Variants in ZFHX3 observed in about 807,000 individuals in gnomAD.
The protein encoded by ZFHX3 is zinc finger homeobox protein 3.
Under a neutral mutation model 279.1 loss-of-function variants are expected in ZFHX3, and 42 were observed. The ratio of observed to expected loss-of-function variants is 0.15; its 90% confidence interval spans 0.12 to 0.19. The LOEUF (loss-of-function observed/expected upper bound fraction) is 0.19. Among genes scored for constraint, ZFHX3 ranks in the 10% least tolerant of loss-of-function variants. The probability of loss-of-function intolerance (pLI) is 1.00; values close to 1 mark genes in which losing one functional copy is unlikely to be tolerated. For missense variants in ZFHX3, 4,981 were observed against 4,754.0 expected, an observed-to-expected ratio of 1.05 and a Z score of -1.40; for synonymous variants, 2,293 against 1,957.8, an observed-to-expected ratio of 1.17 and a Z score of -4.52.
intron 3 of ZFHX3, among the ~76,000 whole-genome samples, chr16:73,441,231 G>A (rs532486853): frequency 6.0e-4 from 91 of 152,186 alleles, no homozygotes; most frequent in African/African-American, 2.2e-3. Context: ...AATGGACTAT[G>A]AGCCCCTTAG....
intron 1 of ZFHX3, among the ~76,000 whole-genome samples, chr16:73,819,758 T>C (rs1326007613): frequency 2.0e-5 from 3 of 152,166 alleles, no homozygotes; most frequent in East Asian, 1.9e-4. Context: ...TGAGGGCTCA[T>C]AGGTAAGAAG....
intron 5 of ZFHX3, among the ~76,000 whole-genome samples, chr16:73,167,716 T>C (rs1304811025): frequency 6.6e-6 from 1 of 152,092 alleles, no homozygotes; most frequent in Non-Finnish European, 1.5e-5. Context: ...ACTGCAGAGA[T>C]TCAAGAGAAG....
chr16:73,812,625 T>C (rs146436846), intron 1 of ZFHX3: 1 of 152,428 alleles, frequency 6.6e-6, no homozygotes, highest in East Asian at 1.9e-4. Context: ...TCTGATGGAA[T>C]TGAAGGTTTA....
intron 1 of ZFHX3, among the ~76,000 whole-genome samples, chr16:73,694,488 C>G (rs367752549): frequency 6.6e-6 from 1 of 151,944 alleles, no homozygotes; most frequent in Non-Finnish European, 1.5e-5. Context: ...GGGCTACAGA[C>G]GCATGTCACC....
intron 1 of ZFHX3, among the ~76,000 whole-genome samples, chr16:73,043,255 C>A (rs1236204547): frequency 6.6e-6 from 1 of 152,220 alleles, no homozygotes. Flanking sequence ...AAACCCCCCA[C>A]ACAGTAATCC....
At chr16:73,319,664 C>T (rs769087298) in intron 3 of ZFHX3, among the ~76,000 whole-genome samples, 1 of 152,152 alleles carries the variant, frequency 6.6e-6, no homozygotes, top group African/African-American at 2.4e-5. Flanking sequence ...CATTCAAAGT[C>T]CTCATCAAGT....
At chr16:73,450,544 G>C in intron 3 of ZFHX3, among the ~76,000 whole-genome samples, 1 of 151,914 alleles carries the variant, frequency 6.6e-6, no homozygotes, top group Non-Finnish European at 1.5e-5. Context: ...TCATAATTTT[G>C]CTTATGGTAT....
intron 3 of ZFHX3, among the ~76,000 whole-genome samples, chr16:73,379,554 G>A (rs2016784818): frequency 6.6e-6 from 1 of 152,202 alleles, no homozygotes; most frequent in African/African-American, 2.4e-5. Context: ...TTGTGAGAAT[G>A]AAGTAAGACA....
intron 2 of ZFHX3, among the ~76,000 whole-genome samples, chr16:73,603,343 A>T (rs757163510): frequency 2.0e-5 from 3 of 152,138 alleles, no homozygotes; most frequent in African/African-American, 4.8e-5. Flanking sequence ...CATGTCAGTA[A>T]AAAATGGGCA....
At chr16:73,711,647 GC>G (rs1346773992) in intron 1 of ZFHX3, among the ~76,000 whole-genome samples, 7 of 152,206 alleles carry the variant, frequency 4.6e-5, no homozygotes, top group Admixed American at 3.3e-4. Flanking sequence ...AGATTTGGAA[GC>G]AAAACTGAAA....
At chr16:73,140,756 A>G (rs1189225567) in intron 6 of ZFHX3, among the ~76,000 whole-genome samples, 1 of 152,226 alleles carries the variant, frequency 6.6e-6, no homozygotes, top group Non-Finnish European at 1.5e-5. Context: ...TGGGAGGCTG[A>G]GGCAGGAGAA....
intron 1 of ZFHX3, among the ~76,000 whole-genome samples, chr16:73,777,748 T>G (rs563654302): frequency 6.6e-6 from 1 of 152,312 alleles, no homozygotes; most frequent in South Asian, 2.1e-4. Flanking sequence ...ACACTTGCTA[T>G]GTCTGGGTGA....
At chr16:73,653,895 A>G (rs1257202649) in intron 2 of ZFHX3, among the ~76,000 whole-genome samples, 1 of 152,198 alleles carries the variant, frequency 6.6e-6, no homozygotes, top group Non-Finnish European at 1.5e-5. Flanking sequence ...TTAAAAAGAT[A>G]AAAAGAGGGC....
At chr16:73,754,662 A>G (rs1279894570) in intron 1 of ZFHX3, among the ~76,000 whole-genome samples, 1 of 152,112 alleles carries the variant, frequency 6.6e-6, no homozygotes, top group African/African-American at 2.4e-5. Context: ...TCAGACCTTT[A>G]CTTCCGACTA....
intron 2 of ZFHX3, among the ~76,000 whole-genome samples, chr16:73,645,744 A>G (rs914161711): frequency 6.6e-6 from 1 of 152,202 alleles, no homozygotes; most frequent in African/African-American, 2.4e-5. Context: ...AAAGCATAAA[A>G]AGCCATTTGG....
intron 1 of ZFHX3, among the ~76,000 whole-genome samples, chr16:73,831,471 G>A (rs141674479): frequency 4.6e-5 from 7 of 152,148 alleles, no homozygotes; most frequent in Admixed American, 3.3e-4. Context: ...GAAGAGTGAG[G>A]TTTCGGGAAG....
intron 4 of ZFHX3, among the ~76,000 whole-genome samples, chr16:73,280,729 C>G (rs12927763): frequency 0.39 from 59,214 of 151,662 alleles, 11,715 homozygotes; most frequent in East Asian, 0.42. Flanking sequence ...AGTTCTGTAT[C>G]CCAGAACTTT....
At chr16:73,449,499 A>AAAT in intron 3 of ZFHX3, among the ~76,000 whole-genome samples, 1 of 152,334 alleles carries the variant, frequency 6.6e-6, no homozygotes, top group African/African-American at 2.4e-5. Flanking sequence ...CCATCTCAAA[A>AAAT]AATAACAACA....
At chr16:73,611,039 C>G (rs150436689) in intron 2 of ZFHX3, among the ~76,000 whole-genome samples, 1 of 152,358 alleles carries the variant, frequency 6.6e-6, no homozygotes, top group East Asian at 1.9e-4. Context: ...TCTACTCAAG[C>G]TGTCACCCCT....
Sources: allele counts gnomAD v4.1 joint callset (sites outside exome capture counted in the v4.1 genomes callset), GRCh38; gene constraint gnomAD v4.1.1; transcripts MANE v1.5; gene names NCBI Gene and HGNC (gene_info 2026-07-23, HGNC 2026-07-21).